TFAP2E: variants seen among roughly 807,000 people sequenced by gnomAD.
The protein encoded by TFAP2E is transcription factor AP-2-epsilon.
In TFAP2E, 30 loss-of-function variants were observed where a neutral mutation model predicts 37.9. The observed-to-expected ratio is 0.79, with a 90% confidence interval of 0.59 to 1.07. The LOEUF is 1.07. Ranked by LOEUF, TFAP2E falls within the 50% of genes least tolerant of loss-of-function variation. The pLI is 0.00. For synonymous variants in TFAP2E, 318 were observed against 295.8 expected (o/e 1.08, Z -0.77); for missense variants, 567 against 637.9 (o/e 0.89, Z 1.20).
intron 3 of TFAP2E, among the ~76,000 whole-genome samples, chr1:35,579,699 T>A (rs1649293268): frequency 6.6e-6 from 1 of 152,136 alleles, no homozygotes; most frequent in Non-Finnish European, 1.5e-5. Flanking sequence ...TTGGCCTTTT[T>A]AAATGAAAAT....
chr1:35,574,809 C>G (rs1649121111), intron 2 of TFAP2E, 140 bp from the exon 3 acceptor site: 2 of 1,116,044 alleles, frequency 1.8e-6, no homozygotes, highest in Non-Finnish European at 2.7e-6. Context: ...ATAGCGATTC[C>G]TGGGCCTGCC....
rs1439355700 is a variant in TFAP2E at position 35,574,411 on chromosome 1, T to G, written c.510+2T>G. On this transcript the variant is annotated splice_donor_variant, in intron 2 of 6. Transcript: ENST00000373235. LOFTEE classifies it high-confidence loss of function. ...GCCCCCGGTCTGGAGGACCTGCAGG[T>G]GAGACCCGAGGGATCCGGGATGGGT... 28 of 1,420,324 alleles carry G rather than the reference T, an allele frequency of 2.0e-5. No individual in the cohort carries two copies. Among genetic ancestry groups the G allele is most frequent in the Non-Finnish European group, 2.5e-5 (27 of 1,097,326 alleles). The allele number at this position is 1,420,324 out of a possible 1,614,324, so 88.0% of individuals were successfully genotyped here.
chr1:35,584,717 T>C (rs1480870860), intron 3 of TFAP2E, among the ~76,000 whole-genome samples: 1 of 151,850 alleles, frequency 6.6e-6, no homozygotes, highest in Non-Finnish European at 1.5e-5. Flanking sequence ...TTTGTATTTT[T>C]TGTAGAGACA....
In TFAP2E at chr1:35,581,795, C is replaced by T. The variant is rs77042938; in HGVS notation, c.563-6535C>T. Among the ~76,000 whole-genome samples the T allele has an allele frequency of 1.7e-3, 259 of 152,116 alleles. 4 individuals carry two copies. In the East Asian group the frequency reaches 0.043, roughly 25 times the overall value. ...CCATGTTAGTCAGGCTGGTCCTGAA[C>T]TCCCGACCTCAGGTGATCCACCCGC... On this transcript the variant is annotated intron_variant, in intron 3 of 6. Coordinates refer to ENST00000373235, the MANE Select transcript of TFAP2E (RefSeq NM_178548.4).
intron 3 of TFAP2E, 133 bp downstream of exon 3, chr1:35,575,133 AG>A: frequency 8.4e-7 from 1 of 1,187,080 alleles, no homozygotes; most frequent in Non-Finnish European, 1.2e-6. Flanking sequence ...TTCCTGGCCC[AG>A]CCAGATGTTA....
At chr1:35,576,900 C>CG (rs1452762364) in intron 3 of TFAP2E, among the ~76,000 whole-genome samples, 1 of 151,822 alleles carries the variant, frequency 6.6e-6, no homozygotes, top group Non-Finnish European at 1.5e-5. Flanking sequence ...CCGCGCGGGA[C>CG]GGGGCCACGC....
At position 35,590,630 on chromosome 1, in the gene TFAP2E, C is replaced by A. The variant is rs534968792; in HGVS notation, c.905-4C>A. 2.6e-5 allele frequency: 38 copies of A among 1,484,362 alleles called. No homozygotes were observed. The highest frequency in any genetic ancestry group is 4.7e-4 in the Middle Eastern group (2 of 4,222). 91.9% of individuals were successfully genotyped at this position (1,484,362 alleles called of 1,614,324 possible). ...TGCAGTAGTGACAGCTCCCCTCCCC[C>A]CAGGAGAGGCCGTGCACCTGGCCCG... On this transcript the variant is annotated splice_polypyrimidine_tract_variant and splice_region_variant and intron_variant, in intron 5 of 6. Transcript: ENST00000373235. The surrounding 1 kb of genome is among the most constrained non-coding windows in gnomAD (Gnocchi z 6.2).
intron 6 of TFAP2E, among the ~76,000 whole-genome samples, chr1:35,592,551 C>A (rs765250500): frequency 1.1e-4 from 16 of 152,104 alleles, no homozygotes; most frequent in Non-Finnish European, 1.8e-4. Context: ...GTGCCTGCCA[C>A]CACATCTGGT....
chr1:35,594,872 T>A lies in TFAP2E; in HGVS notation c.*196T>A. 1.4e-6 allele frequency: 1 copy of A among 723,716 alleles called. No individual in the cohort carries two copies. The highest frequency in any genetic ancestry group is 2.2e-6 in the Non-Finnish European group (1 of 449,962). 44.8% of individuals were successfully genotyped at this position (723,716 alleles called of 1,614,324 possible). A position where few individuals can be genotyped will look rare whatever the true frequency, so the allele number is the denominator to read the frequency against. On this transcript the variant is annotated 3_prime_UTR_variant, in exon 7 of 7. Coordinates refer to ENST00000373235, the MANE Select transcript of TFAP2E (RefSeq NM_178548.4). ...CTCTCTGTGGTGGTGTGTTGGTAAG[T>A]TAAGGGCCCAGGTATTTGTCTCATG...
Position 35,573,731 on chromosome 1 carries a change from C to A in TFAP2E, c.27+127C>A. The A allele has an allele frequency of 1.4e-6, 2 of 1,436,262 alleles. No individual in the cohort carries two copies. The highest frequency in any genetic ancestry group is 1.8e-6 in the Non-Finnish European group (2 of 1,084,284). 89.0% of individuals were successfully genotyped at this position (1,436,262 alleles called of 1,614,324 possible). On this transcript the variant is annotated intron_variant, in intron 1 of 6. Transcript: ENST00000373235. The surrounding 1 kb of genome is among the most constrained non-coding windows in gnomAD (Gnocchi z 5.9). ...GAGGGGGCCGCAGGGACTTCGCCAGCTGAGAACGCGATGCGCAAGTGACCG... is the reference window on the plus strand; with the variant it reads ...GAGGGGGCCGCAGGGACTTCGCCAGATGAGAACGCGATGCGCAAGTGACCG...
chr1:35,573,642 G>A lies in TFAP2E; in HGVS notation c.27+38G>A. On this transcript the variant is annotated intron_variant, in intron 1 of 6. Transcript: ENST00000373235. This position sits in a 1 kb window ranked among gnomAD's most constrained non-coding sequence, Gnocchi z 5.9. ...GGGCCCGGGACATATTCGGCCGGGG[G>A]ATCGGGGCGCCTGAGTGCTGGACTT... 6.5e-7 allele frequency: 1 copy of A among 1,537,282 alleles called. No individual in the cohort carries two copies. The highest frequency in any genetic ancestry group is 8.8e-7 in the Non-Finnish European group (1 of 1,142,022).
chr1:35,576,041 A>G (rs969160007), intron 3 of TFAP2E, among the ~76,000 whole-genome samples: 1 of 152,186 alleles, frequency 6.6e-6, no homozygotes, highest in Non-Finnish European at 1.5e-5. Flanking sequence ...AAGAATTCAG[A>G]GGTGCACATG....
At position 35,588,382 on chromosome 1, in the gene TFAP2E, C is replaced by T. The variant is rs1649550367; in HGVS notation, c.615C>T (p.Asp205=). ...SSLSALSLAK[D]SLVGGITNPG... is the part of the protein sequence containing the mutation. ...TCTCAGCCCTCTCCTTGGCCAAAGACAGCCTGGTGGGCGGCATCACAAATC... is the reference window on the plus strand; with the variant it reads ...TCTCAGCCCTCTCCTTGGCCAAAGATAGCCTGGTGGGCGGCATCACAAATC... The change falls in exon 4 of 7, where the codon GAC becomes GAT. Residue 205 remains aspartate (D), a synonymous_variant. Transcript: ENST00000373235. The surrounding 1 kb of genome is among the most constrained non-coding windows in gnomAD (Gnocchi z 5.1). 6.2e-7 allele frequency: 1 copy of T among 1,613,662 alleles called. No individual in the cohort carries two copies. Among genetic ancestry groups the T allele is most frequent in the Non-Finnish European group, 8.5e-7 (1 of 1,179,982 alleles).
In TFAP2E at chr1:35,588,865, C is replaced by T. The variant is rs1649567467; in HGVS notation, c.785+313C>T. 6.6e-6 allele frequency among the ~76,000 whole-genome samples: 1 copy of T among 152,116 alleles called. No homozygotes were observed. Among genetic ancestry groups the T allele is most frequent in the Non-Finnish European group, 1.5e-5 (1 of 68,022 alleles). On this transcript the variant is annotated intron_variant, in intron 4 of 6. Coordinates refer to ENST00000373235, the MANE Select transcript of TFAP2E (RefSeq NM_178548.4). This position sits in a 1 kb window ranked among gnomAD's most constrained non-coding sequence, Gnocchi z 5.1. ...GGGGAAGAGAGAGGGCCATCCTCAC[C>T]CCCTCTTCTAGGAAATGAACCCCAG...
In TFAP2E at chr1:35,592,162, G is replaced by A. The variant is rs534078830; in HGVS notation, c.1046+1387G>A. On this transcript the variant is annotated intron_variant, in intron 6 of 6. Coordinates refer to ENST00000373235, the MANE Select transcript of TFAP2E (RefSeq NM_178548.4). ...CAGTTAGGTGTGGTGGTGCACTCCT[G>A]TAGTCCCAGCTACTTGGGAGGCTGA... Among the ~76,000 whole-genome samples, 27 of 152,154 alleles carry A rather than the reference G, an allele frequency of 1.8e-4. No homozygotes were observed. The East Asian group carries it at 5.0e-3, about 28-fold the overall frequency.
In TFAP2E at chr1:35,574,004, G is replaced by T; in HGVS notation, c.105G>T (p.Ala35=). Residue 35 remains alanine, a synonymous_variant, in exon 2 of 7, where the codon GCG becomes GCT. Transcript: ENST00000373235. ...SSLPQAAYGP[A]PPLCHTPAAT... is the part of the protein sequence containing the mutation. ...TGCCCCAGGCGGCCTACGGGCCGGC[G>T]CCCCCGCTCTGCCACACGCCGGCCG... 6.7e-7 allele frequency: 1 copy of T among 1,484,518 alleles called. No individual in the cohort carries two copies. The highest frequency in any genetic ancestry group is 2.9e-5 in the East Asian group (1 of 34,888). The allele number at this position is 1,484,518 out of a possible 1,614,324, so 92.0% of individuals were successfully genotyped here. A position where few individuals can be genotyped will look rare whatever the true frequency, so the allele number is the denominator to read the frequency against.
At position 35,588,213 on chromosome 1, in the gene TFAP2E, T is replaced by C; in HGVS notation, c.563-117T>C. On this transcript the variant is annotated intron_variant, in intron 3 of 6. Transcript: ENST00000373235. The surrounding 1 kb of genome is among the most constrained non-coding windows in gnomAD (Gnocchi z 5.1). The stretch of plus-strand genomic sequence containing the variant: ...CATCAGTTGAGGGAACTTGGGCGAG[T>C]CACTTTCACCTCACTGTGGCTCAGT... 2 of 1,034,562 alleles carry C rather than the reference T, an allele frequency of 1.9e-6. No individual in the cohort carries two copies. The highest frequency in any genetic ancestry group is 2.7e-6 in the Non-Finnish European group (2 of 733,014). 64.1% of individuals were successfully genotyped at this position (1,034,562 alleles called of 1,614,324 possible).
In TFAP2E at chr1:35,574,418, C is replaced by T. The variant is rs999632237; in HGVS notation, c.510+9C>T. 4 of 1,409,898 alleles carry T rather than the reference C, an allele frequency of 2.8e-6. No individual in the cohort carries two copies. Among genetic ancestry groups the T allele is most frequent in the African/African-American group, 1.5e-5 (1 of 66,668 alleles). 87.3% of individuals were successfully genotyped at this position (1,409,898 alleles called of 1,614,324 possible). ...GTCTGGAGGACCTGCAGGTGAGACC[C>T]GAGGGATCCGGGATGGGTCGGGACT... On this transcript the variant is annotated intron_variant, in intron 2 of 6. Coordinates refer to ENST00000373235, the MANE Select transcript of TFAP2E (RefSeq NM_178548.4).
At position 35,590,918 on chromosome 1, in the gene TFAP2E, A is replaced by ACGTATGTGTGTGTGCC; in HGVS notation, c.1046+144_1046+145insGTATGTGTGTGTGCCC. ...ACCACTGTGTACACGAGCAGTGGGCACACACACATACGTGCGCACCACTGT... is the reference window on the plus strand; with the variant it reads ...ACCACTGTGTACACGAGCAGTGGGCACGTATGTGTGTGTGCCCACACACATACGTGCGCACCACTGT... On this transcript the variant is annotated intron_variant, in intron 6 of 6. Transcript: ENST00000373235. The surrounding 1 kb of genome is among the most constrained non-coding windows in gnomAD (Gnocchi z 6.2). The ACGTATGTGTGTGTGCC allele has an allele frequency of 1.0e-6, 1 of 983,840 alleles. No homozygotes were observed. The highest frequency in any genetic ancestry group is 1.3e-6 in the Non-Finnish European group (1 of 746,704). 60.9% of individuals were successfully genotyped at this position (983,840 alleles called of 1,614,324 possible). A position where few individuals can be genotyped will look rare whatever the true frequency, so the allele number is the denominator to read the frequency against.
Sources: allele counts gnomAD v4.1 joint callset (sites outside exome capture counted in the v4.1 genomes callset), GRCh38; gene constraint gnomAD v4.1.1; non-coding constraint Gnocchi (gnomAD v3.1); transcripts MANE v1.5; gene names NCBI Gene and HGNC (gene_info 2026-07-23, HGNC 2026-07-21).